DLC1: variants seen among roughly 807,000 people sequenced by gnomAD.
The protein encoded by DLC1 is rho GTPase-activating protein 7.
A neutral mutation model predicts 140.3 loss-of-function variants in DLC1; 54 were observed. The ratio of observed to expected loss-of-function variants is 0.38; its 90% CI spans 0.31 to 0.48. DLC1 has a LOEUF of 0.48. DLC1 is among the 20% of genes least tolerant of loss of function. The pLI is 0.96. For synonymous variants in DLC1, 986 were observed against 728.1 expected, an observed-to-expected ratio of 1.35 and a Z score of -5.70; for missense variants, 2,536 against 1,907.0, an observed-to-expected ratio of 1.33 and a Z score of -6.14.
intron 5 of DLC1, among the ~76,000 whole-genome samples, chr8:13,168,212 C>T (rs940737882): frequency 3.3e-5 from 5 of 152,122 alleles, no homozygotes; most frequent in African/African-American, 1.2e-4. Flanking sequence ...GAAGACAGCA[C>T]AAATAGCCTT....
Position 13,578,677 on chromosome 8 carries a change from G to T in DLC1, c.-126+25860C>A, listed in dbSNP as rs76390557. Among the ~76,000 whole-genome samples the T allele has an allele frequency of 2.5e-3, 383 of 152,246 alleles. 3 individuals are homozygous for T. Among genetic ancestry groups the T allele is most frequent in the African/African-American group, 8.8e-3 (366 of 41,544 alleles). On this transcript the variant is annotated intron_variant, in intron 1 of 1. Transcript: ENST00000631382. ...CAGAGCTTAGAGAAACACATTTGCT[G>T]GTTTATTATAAAGGATATTACAAAA... is the stretch of plus-strand genomic sequence containing the variant.
chr8:13,364,375 T>G (rs1217235719), intron 4 of DLC1, among the ~76,000 whole-genome samples: 1 of 151,718 alleles, frequency 6.6e-6, no homozygotes, highest in Non-Finnish European at 1.5e-5. Context: ...CTTAGCTCAC[T>G]ACAATCTCCA....
chr8:13,292,574 C>T (rs756021669), intron 5 of DLC1, among the ~76,000 whole-genome samples: 3 of 152,088 alleles, frequency 2.0e-5, no homozygotes, highest in Non-Finnish European at 4.4e-5. Flanking sequence ...TAGATGGACG[C>T]TATTGTGTTC....
intron 2 of DLC1, among the ~76,000 whole-genome samples, chr8:13,486,611 TTATTTTAG>T (rs1800978940): frequency 6.6e-6 from 1 of 152,188 alleles, no homozygotes; most frequent in Non-Finnish European, 1.5e-5. Context: ...CCCACACATT[TTATTTTAG>T]TTCAAATGAA....
chr8:13,376,412 C>T (rs894847321), intron 4 of DLC1, among the ~76,000 whole-genome samples: 1 of 152,112 alleles, frequency 6.6e-6, no homozygotes, highest in Non-Finnish European at 1.5e-5. Context: ...TGACTTGGTG[C>T]TATAAGAAAC....
chr8:13,595,313 G>A lies in DLC1; in HGVS notation c.-126+9224C>T, dbSNP rs184975656. Among the ~76,000 whole-genome samples the A allele has an allele frequency of 2.7e-3, 404 of 152,070 alleles. 1 individual carries two copies. The highest frequency in any genetic ancestry group is 3.2e-3 in the Non-Finnish European group (216 of 67,922). On this transcript the variant is annotated intron_variant, in intron 1 of 1. Coordinates refer to the DLC1 transcript ENST00000631382. ...TTCTTCCCACTGTGGTATTATAAAT[G>A]TGTTCATTTTCATGAAAATGTGTGA...
rs182029160 is a variant in DLC1, at chr8:13,478,003, T to A, written c.1023+21046A>T. On this transcript the variant is annotated intron_variant, in intron 2 of 17. Coordinates refer to ENST00000276297, the MANE Select transcript of DLC1 (RefSeq NM_182643.3). ...GAGAAAATATTACATTTGTAAAACA[T>A]GAACATGGTACTAGGGAAAACCAGG... Among the ~76,000 whole-genome samples, 102 of 152,286 alleles carry A rather than the reference T, an allele frequency of 6.7e-4. 1 individual carries two copies. Among genetic ancestry groups the A allele is most frequent in the African/African-American group, 2.4e-3 (100 of 41,568 alleles).
At chr8:13,201,978 G>T (rs943163978) in intron 5 of DLC1, among the ~76,000 whole-genome samples, 1 of 122,188 alleles carries the variant, frequency 8.2e-6, no homozygotes, top group Non-Finnish European at 1.6e-5. Context: ...ACAGAGTCTT[G>T]CTCTGTCACC....
At chr8:13,302,679 A>G (rs1832248567) in intron 5 of DLC1, among the ~76,000 whole-genome samples, 1 of 151,618 alleles carries the variant, frequency 6.6e-6, no homozygotes, top group South Asian at 2.1e-4. Flanking sequence ...TTCTTAATAA[A>G]GAACAATAGG....
intron 5 of DLC1, among the ~76,000 whole-genome samples, chr8:13,151,807 C>T (rs536974257): frequency 6.6e-6 from 1 of 152,106 alleles, no homozygotes; most frequent in Non-Finnish European, 1.5e-5. Context: ...ACTTTTTATT[C>T]CATACTATAT....
intron 5 of DLC1, among the ~76,000 whole-genome samples, chr8:13,172,968 A>T (rs1825566548): frequency 6.6e-6 from 1 of 152,192 alleles, no homozygotes; most frequent in African/African-American, 2.4e-5. Context: ...AAAAGTCATT[A>T]GGGTGTATAA....
intron 2 of DLC1, among the ~76,000 whole-genome samples, chr8:13,439,955 C>T (rs935795996): frequency 6.6e-6 from 1 of 152,076 alleles, no homozygotes; most frequent in South Asian, 2.1e-4. Context: ...ATCTTCCCAG[C>T]AGAAGAATGA....
At chr8:13,396,150 C>T (rs1429293096) in intron 3 of DLC1, among the ~76,000 whole-genome samples, 1 of 149,798 alleles carries the variant, frequency 6.7e-6, no homozygotes, top group Non-Finnish European at 1.5e-5. Context: ...AGCTCCGCCT[C>T]CTGGGTTCAC....
chr8:13,578,095 G>A (rs1804909940), intron 1 of DLC1, among the ~76,000 whole-genome samples: 1 of 151,794 alleles, frequency 6.6e-6, no homozygotes, highest in African/African-American at 2.4e-5. Flanking sequence ...TGCGTCCAGT[G>A]AACCAACTCC....
intron 2 of DLC1, among the ~76,000 whole-genome samples, chr8:13,440,489 C>T (rs528994809): frequency 7.2e-5 from 11 of 151,730 alleles, no homozygotes; most frequent in South Asian, 6.3e-4. Context: ...AGTGACATTG[C>T]TTTTATGTAT....
At chr8:13,548,281 ATT>A (rs1803721015) in intron 1 of DLC1, among the ~76,000 whole-genome samples, 1 of 152,028 alleles carries the variant, frequency 6.6e-6, no homozygotes, top group Non-Finnish European at 1.5e-5. Flanking sequence ...TTTCTATGGC[ATT>A]ATGTACTTGG....
intron 10 of DLC1, 152 bp from the exon 11 acceptor site, chr8:13,095,397 G>C: frequency 1.1e-6 from 1 of 937,784 alleles, no homozygotes. Context: ...GACAAATTCA[G>C]TTCCCCAGTG....
chr8:13,143,563 C>T (rs1035978766), intron 5 of DLC1, among the ~76,000 whole-genome samples: 1 of 151,910 alleles, frequency 6.6e-6, no homozygotes, highest in Non-Finnish European at 1.5e-5. Context: ...TCAAGTGATC[C>T]TTCCTCCTCC....
intron 3 of DLC1, among the ~76,000 whole-genome samples, chr8:13,395,397 C>T (rs1394246557): frequency 7.9e-5 from 12 of 152,092 alleles, no homozygotes; most frequent in Admixed American, 4.6e-4. Context: ...TGGGATTGCG[C>T]GCATGAGCCA....
Sources: allele counts gnomAD v4.1 joint callset (sites outside exome capture counted in the v4.1 genomes callset), GRCh38; gene constraint gnomAD v4.1.1; transcripts MANE v1.5; gene names NCBI Gene and HGNC (gene_info 2026-07-23, HGNC 2026-07-21).